TMC6: variants seen among roughly 807,000 people sequenced by gnomAD.
TMC6 encodes transmembrane channel-like protein 6.
TMC6 carries 71 observed loss-of-function variants against 95.4 expected under a neutral mutation model. That is an observed-to-expected ratio of 0.74 (90% CI 0.61 to 0.91). The LOEUF (loss-of-function observed/expected upper bound fraction) is 0.91. Among genes scored for constraint, TMC6 ranks in the 40% least tolerant of loss-of-function variants. The pLI, the probability that TMC6 is intolerant of heterozygous loss-of-function variation, is 0.00. For missense variants in TMC6, 1,074 were observed against 1,079.1 expected (o/e 1.00, Z 0.07); for synonymous variants, 514 against 483.1 (o/e 1.06, Z -0.84).
rs375283780 is a variant in TMC6, at chr17:78,125,831, G to A, written c.325C>T (p.Arg109Trp). 5.9e-5 allele frequency: 91 copies of A among 1,554,134 alleles called. No homozygotes were observed. Among genetic ancestry groups the A allele is most frequent in the African/African-American group, 2.9e-4 (21 of 73,284 alleles). ...AGCAGGGGCCGGCTGCTCCTGCACC[G>A]AAGCTGCACCGTGCGGTTGTAGTAC... ...SQYYNRTVQL[R>W]CRSSRPLLGN... is the part of the protein sequence containing the mutation. Residue 109 changes from arginine (R) to tryptophan (W), a missense_variant, in exon 5 of 20, where the codon CGG (arginine) becomes TGG (tryptophan). By Grantham distance (101) the Arg-to-Trp change is moderately radical (BLOSUM62 -3). Transcript: ENST00000590602.
rs749106566 is a variant in TMC6 at position 78,124,027 on chromosome 17, G to C, written c.1044C>G (p.Gly348=). The C allele has an allele frequency of 4.1e-5, 66 of 1,613,628 alleles. No homozygotes were observed. Among genetic ancestry groups the C allele is most frequent in the African/African-American group, 6.7e-5 (5 of 74,892 alleles). Residue 348 remains glycine, a synonymous_variant, in exon 9 of 20, where the codon GGC becomes GGG. Transcript: ENST00000590602. The stretch of plus-strand genomic sequence containing the variant: ...TGATGCAGGTGATAAAGAAGCTCAC[G>C]CCCACAGTGGAGAGGTAGGCCAGGG... ...NMPLAYLSTV[G]VSFFITCITL...
Position 78,124,759 on chromosome 17 carries a change from G to T in TMC6, c.656C>A (p.Ala219Glu). ...CVLALHSLGLALLSALQALMP... is the reference protein window; with the variant it reads ...CVLALHSLGLELLSALQALMP... Reference sequence around the variant, plus strand: ...CAGGGCCTGCAGGGCGGAGAGCAGCGCCAGGCCCAGGCTGTGCAAGGCCTG... The same window carrying T: ...CAGGGCCTGCAGGGCGGAGAGCAGCTCCAGGCCCAGGCTGTGCAAGGCCTG... The change falls in exon 8 of 20, where the codon GCG becomes GAG. Residue 219 changes from alanine (A) to glutamate (E), a missense_variant. By Grantham distance (107) the Ala-to-Glu change is moderately radical (BLOSUM62 -1). Transcript: ENST00000590602. 1.9e-6 allele frequency: 3 copies of T among 1,583,108 alleles called. No individual in the cohort carries two copies. The highest frequency in any genetic ancestry group is 2.6e-6 in the Non-Finnish European group (3 of 1,165,372).
At chr17:78,120,596 C>T (rs989804477) in intron 13 of TMC6, 57 bp downstream of exon 13, 14 of 1,522,698 alleles carry the variant, frequency 9.2e-6, no homozygotes, top group Admixed American at 5.5e-5. Flanking sequence ...CCCGGCCACA[C>T]GTCCCGGCCA....
intron 15 of TMC6, 122 bp from the exon 16 acceptor site, chr17:78,118,057 C>T: frequency 6.7e-7 from 1 of 1,490,644 alleles, no homozygotes; most frequent in Non-Finnish European, 9.0e-7. Flanking sequence ...CTGGACCCTG[C>T]TCCCTGCAGC....
At chr17:78,125,467 T>C (rs1446326936) in intron 5 of TMC6, among the ~76,000 whole-genome samples, 1 of 152,224 alleles carries the variant, frequency 6.6e-6, no homozygotes, top group Non-Finnish European at 1.5e-5. Context: ...GGGGCCTGTT[T>C]CCCACGCACG....
chr17:78,126,152 C>T, intron 4 of TMC6, 125 bp downstream of exon 4: 1 of 1,369,028 alleles, frequency 7.3e-7, no homozygotes, highest in Non-Finnish European at 9.9e-7. Flanking sequence ...CCGCCCTGGG[C>T]CTGGCTCTGA....
At position 78,124,539 on chromosome 17, in the gene TMC6, C is replaced by T. The variant is rs766039328; in HGVS notation, c.876G>A (p.Glu292=). The T allele has an allele frequency of 1.9e-6, 3 of 1,611,220 alleles. No homozygotes were observed. Among genetic ancestry groups the T allele is most frequent in the Non-Finnish European group, 8.5e-7 (1 of 1,179,808 alleles). Residue 292 remains glutamate (E), a synonymous_variant, in exon 8 of 20, where the codon GAG becomes GAA. Transcript: ENST00000590602. ...PGPAPVCTGL[E]LLTGAGCFTH... is the part of the protein sequence containing the mutation. ...GCTTCCTCACCGCGCCTGTGAGGAG[C>T]TCCAGGCCTGTGCAGACGGGGGCAG... is the stretch of plus-strand genomic sequence containing the variant.
chr17:78,124,968 G>A lies in TMC6; in HGVS notation c.554C>T (p.Pro185Leu), dbSNP rs373631928. 6.0e-5 allele frequency: 96 copies of A among 1,593,448 alleles called. No individual in the cohort carries two copies. The African/African-American group carries it at 9.9e-4, about 16-fold the overall frequency. The change falls in exon 7 of 20, where the codon CCG becomes CTG. Residue 185 changes from proline to leucine, a missense_variant. Transcript: ENST00000590602. ...CGGCTGGCCCCTCCACTTCCCCCTCGGGGTCCTGCTCTTCTCTCTGGGGAC... is the reference window on the plus strand; with the variant it reads ...CGGCTGGCCCCTCCACTTCCCCCTCAGGGTCCTGCTCTTCTCTCTGGGGAC... ...KRSLREKSRT[P>L]RGKWRGQPGS...
In TMC6 at chr17:78,128,406, C is replaced by T. The variant is rs2074848874; in HGVS notation, c.-75+206G>A. Among the ~76,000 whole-genome samples the T allele has an allele frequency of 6.6e-6, 1 of 152,108 alleles. No individual in the cohort carries two copies. Among genetic ancestry groups the T allele is most frequent in the Non-Finnish European group, 1.5e-5 (1 of 67,982 alleles). On this transcript the variant is annotated intron_variant, in intron 1 of 19. Coordinates refer to ENST00000590602, the MANE Select transcript of TMC6 (RefSeq NM_001127198.5). This position sits in a 1 kb window ranked among gnomAD's most constrained non-coding sequence, Gnocchi z 4.0. ...GGTGGGGGCTGCGGATTTTGCTCCCCGCACTGTCCTCCCCGCCCCTGCCGC... is the reference window on the plus strand; with the variant it reads ...GGTGGGGGCTGCGGATTTTGCTCCCTGCACTGTCCTCCCCGCCCCTGCCGC...
intron 4 of TMC6, 177 bp from the exon 5 acceptor site, chr17:78,126,061 CTG>C: frequency 2.6e-6 from 3 of 1,142,786 alleles, no homozygotes; most frequent in South Asian, 1.5e-5. Flanking sequence ...CGTGATGACT[CTG>C]GAGTCATTTT....
At chr17:78,123,890 G>A in intron 9 of TMC6, 99 bp downstream of exon 9, 3 of 1,496,542 alleles carry the variant, frequency 2.0e-6, no homozygotes, top group Non-Finnish European at 1.8e-6. Context: ...TAGATGGACA[G>A]AAGGAAGAAA....
rs140424949 is a variant in TMC6 at position 78,111,717 on chromosome 17, G to C, written c.*1431C>G. 2.9e-5 allele frequency: 5 copies of C among 171,416 alleles called. No homozygotes were observed. Among genetic ancestry groups the C allele is most frequent in the African/African-American group, 1.2e-4 (5 of 41,700 alleles). 10.6% of individuals were successfully genotyped at this position (171,416 alleles called of 1,614,324 possible). On this transcript the variant is annotated 3_prime_UTR_variant, in exon 20 of 20. Transcript: ENST00000590602. Reference sequence around the variant, plus strand: ...GGATTGGGTGGGCTAGACCCAGCGTGGGGGTCTGCTAGCAGCCAGTGGCAT... The same window carrying C: ...GGATTGGGTGGGCTAGACCCAGCGTCGGGGTCTGCTAGCAGCCAGTGGCAT...
At chr17:78,132,111 T>A, upstream of TMC6, 1 of 1,526,464 alleles carries the variant, frequency 6.6e-7, no homozygotes, top group Non-Finnish European at 8.8e-7. Flanking sequence ...AGTGGCATCA[T>A]CCCACCTGCC....
At chr17:78,123,603 GAAT>G (rs2074530965) in intron 9 of TMC6, among the ~76,000 whole-genome samples, 6 of 132,454 alleles carry the variant, frequency 4.5e-5, no homozygotes, top group Non-Finnish European at 9.9e-5. Context: ...ATGGGTGGGT[GAAT>G]GGATGAATGG....
In TMC6 at chr17:78,126,260, C is replaced by T. The variant is rs1208243398; in HGVS notation, c.271+17G>A. 6.5e-7 allele frequency: 1 copy of T among 1,548,582 alleles called. No individual in the cohort carries two copies. Among genetic ancestry groups the T allele is most frequent in the African/African-American group, 1.4e-5 (1 of 73,418 alleles). ...CTCGGGGCCGGGGCCGAGGCCGAGGCTGAGGGTCCCACTCACCAATGGTGC... is the reference window on the plus strand; with the variant it reads ...CTCGGGGCCGGGGCCGAGGCCGAGGTTGAGGGTCCCACTCACCAATGGTGC... On this transcript the variant is annotated intron_variant, in intron 4 of 19. Transcript: ENST00000590602.
intron 18 of TMC6, 71 bp from the exon 19 acceptor site, chr17:78,113,695 C>T: frequency 1.3e-6 from 2 of 1,539,154 alleles, no homozygotes; most frequent in East Asian, 2.2e-5. Context: ...CTGTTCCAAA[C>T]TGCATTTGAG....
chr17:78,130,423 GC>G (rs1378169795), upstream of TMC6, among the ~76,000 whole-genome samples: 3 of 152,240 alleles, frequency 2.0e-5, no homozygotes, highest in Non-Finnish European at 4.4e-5. Context: ...GTCAAGTCCT[GC>G]CTATCCAGGC....
chr17:78,124,788 G>A lies in TMC6; in HGVS notation c.634-7C>T, dbSNP rs1567999775. The A allele has an allele frequency of 6.3e-7, 1 of 1,580,172 alleles. No individual in the cohort carries two copies. The highest frequency in any genetic ancestry group is 8.6e-7 in the Non-Finnish European group (1 of 1,163,898). Reference sequence around the variant, plus strand: ...GGCCCAGGCTGTGCAAGGCCTGCGGGCACAGGCAGAGAGGCCCTGAGGGTG... The same window carrying A: ...GGCCCAGGCTGTGCAAGGCCTGCGGACACAGGCAGAGAGGCCCTGAGGGTG... On this transcript the variant is annotated splice_region_variant and splice_polypyrimidine_tract_variant and intron_variant, in intron 7 of 19. Coordinates refer to ENST00000590602, the MANE Select transcript of TMC6 (RefSeq NM_001127198.5).
At chr17:78,114,266 C>T (rs995433709) in intron 18 of TMC6, among the ~76,000 whole-genome samples, 2 of 152,170 alleles carry the variant, frequency 1.3e-5, no homozygotes, top group African/African-American at 4.8e-5. Context: ...GCTCACGTGG[C>T]ACCACTCTGA....
Sources: gnomAD v4.1 joint callset for allele counts (sites outside exome capture counted in the v4.1 genomes callset) on GRCh38, gnomAD v4.1.1 for gene constraint, Gnocchi (gnomAD v3.1) non-coding constraint, MANE v1.5 for transcripts, NCBI Gene and HGNC (gene_info 2026-07-23, HGNC 2026-07-21) for gene names.